ELP3: variants seen among roughly 807,000 people sequenced by gnomAD.
ELP3 encodes elongator complex protein 3.
Under a neutral mutation model 74.9 loss-of-function variants are expected in ELP3, and 56 were observed. The ratio of observed to expected loss-of-function variants is 0.75; its 90% CI spans 0.60 to 0.93. ELP3 has a LOEUF of 0.93. ELP3 is among the 40% of genes least tolerant of loss of function. ELP3 has a pLI of 0.00. For synonymous variants in ELP3, 222 were observed against 239.8 expected (o/e 0.93, Z 0.68); for missense variants, 573 against 686.5 (o/e 0.83, Z 1.85).
At chr8:28,103,043 G>C (rs540965969) in intron 3 of ELP3, among the ~76,000 whole-genome samples, 2 of 152,146 alleles carry the variant, frequency 1.3e-5, no homozygotes, top group African/African-American at 4.8e-5. Context: ...GGTGGCGGGC[G>C]CCTGTAATCC....
intron 14 of ELP3, among the ~76,000 whole-genome samples, chr8:28,167,806 T>C (rs351762): frequency 0.99 from 150,688 of 152,338 alleles, 74,537 homozygotes; most frequent in Middle Eastern, 1. Flanking sequence ...GGTATTCTAA[T>C]AAAGATCATA....
At chr8:28,099,805 A>G in intron 2 of ELP3, 23 bp from the exon 3 acceptor site, 1 of 1,613,892 alleles carries the variant, frequency 6.2e-7, no homozygotes, top group Non-Finnish European at 8.5e-7. Context: ...TAATCTTGAT[A>G]ATGTGAGATG....
At chr8:28,149,167 T>G (rs992944683) in intron 10 of ELP3, among the ~76,000 whole-genome samples, 1 of 152,352 alleles carries the variant, frequency 6.6e-6, no homozygotes, top group Non-Finnish European at 1.5e-5. Context: ...TCATGGTATT[T>G]TGTTAGAGCA....
Position 28,189,766 on chromosome 8 carries a change from A to G in ELP3, c.*41A>G, listed in dbSNP as rs752820264. On this transcript the variant is annotated 3_prime_UTR_variant, in exon 15 of 15. Coordinates refer to ENST00000256398, the MANE Select transcript of ELP3 (RefSeq NM_018091.6). ...ACTCTTCTGCAGTATCCTCCCTGGCAGAACACGGAGAATCAGGATTTCTTA... is the reference window on the plus strand; with the variant it reads ...ACTCTTCTGCAGTATCCTCCCTGGCGGAACACGGAGAATCAGGATTTCTTA... 1 of 1,583,132 alleles carries G rather than the reference A, an allele frequency of 6.3e-7. No homozygotes were observed. Among genetic ancestry groups the G allele is most frequent in the African/African-American group, 1.3e-5 (1 of 74,398 alleles).
chr8:28,093,162 TGA>T lies in ELP3; in HGVS notation c.-51_-50del. The T allele has an allele frequency of 6.2e-7, 1 of 1,605,178 alleles. No individual in the cohort carries two copies. The highest frequency in any genetic ancestry group is 1.3e-5 in the African/African-American group (1 of 75,010). On this transcript the variant is annotated 5_prime_UTR_variant, in exon 1 of 15. Transcript: ENST00000256398. ...GTGGCTGTCAGCTTTCCCCGTGGTC[TGA>T]GTTTGTGGCTGCATTTTTATCTCTG...
At chr8:28,121,339 A>C (rs1370549055) in intron 7 of ELP3, among the ~76,000 whole-genome samples, 1 of 142,424 alleles carries the variant, frequency 7.0e-6, no homozygotes, top group Non-Finnish European at 1.5e-5. Flanking sequence ...TTTTTTTTTG[A>C]ATCGGAGTCT....
chr8:28,185,038 A>AT (rs1815182609), intron 14 of ELP3, among the ~76,000 whole-genome samples: 1 of 151,994 alleles, frequency 6.6e-6, no homozygotes, highest in South Asian at 2.1e-4. Flanking sequence ...GGGTGCAGGG[A>AT]GGTTCAGTGC....
intron 10 of ELP3, among the ~76,000 whole-genome samples, chr8:28,151,010 A>G (rs1813622452): frequency 6.6e-6 from 1 of 152,116 alleles, no homozygotes; most frequent in Non-Finnish European, 1.5e-5. Context: ...TCTGGGCTCA[A>G]GTGATCTTCC....
chr8:28,106,537 C>T (rs1157109252), intron 3 of ELP3, among the ~76,000 whole-genome samples, 176 bp from the exon 4 acceptor site: 5 of 78,912 alleles, frequency 6.3e-5, no homozygotes, highest in Non-Finnish European at 1.1e-4. Context: ...GAGACTCCGT[C>T]TCAAAAAAAA....
chr8:28,096,457 C>A (rs1811257033), intron 1 of ELP3, among the ~76,000 whole-genome samples: 1 of 152,186 alleles, frequency 6.6e-6, no homozygotes, highest in Non-Finnish European at 1.5e-5. Flanking sequence ...AGCTTCCAAG[C>A]TGATATCCCA....
rs375339020 is a variant in ELP3, at chr8:28,161,990, C to T, written c.1486-7C>T. On this transcript the variant is annotated splice_polypyrimidine_tract_variant and splice_region_variant and intron_variant, in intron 13 of 14. Coordinates refer to ENST00000256398, the MANE Select transcript of ELP3 (RefSeq NM_018091.6). ...TAATTCCCACTCCCCATTGTTGCTC[C>T]GTGCAGGGATTTGGCATGCTGCTGA... 10 of 1,613,718 alleles carry T rather than the reference C, an allele frequency of 6.2e-6. No homozygotes were observed. The highest frequency in any genetic ancestry group is 4.0e-5 in the African/African-American group (3 of 74,902).
chr8:28,095,481 A>C (rs1300103401), intron 1 of ELP3, among the ~76,000 whole-genome samples: 2 of 152,006 alleles, frequency 1.3e-5, no homozygotes, highest in African/African-American at 4.8e-5. Context: ...CACCAGTCCT[A>C]CCTCTGTTGC....
intron 7 of ELP3, among the ~76,000 whole-genome samples, chr8:28,121,274 C>T (rs1047059286): frequency 3.3e-5 from 5 of 150,870 alleles, no homozygotes; most frequent in Admixed American, 6.6e-5. Context: ...TTTGGTGCTA[C>T]AGTAAATGAA....
intron 3 of ELP3, among the ~76,000 whole-genome samples, chr8:28,103,059 A>G (rs1288384460): frequency 6.6e-6 from 1 of 152,002 alleles, no homozygotes; most frequent in African/African-American, 2.4e-5. Flanking sequence ...AATCCCAGCT[A>G]CTTGGGAGGC....
intron 10 of ELP3, 68 bp downstream of exon 10, chr8:28,137,959 G>A (rs1813060483): frequency 1.5e-6 from 2 of 1,366,632 alleles, no homozygotes; most frequent in South Asian, 3.2e-5. Context: ...CATGGAAATA[G>A]TCTGATTTCA....
chr8:28,096,126 C>T (rs1446926990), intron 1 of ELP3, among the ~76,000 whole-genome samples: 1 of 152,302 alleles, frequency 6.6e-6, no homozygotes, highest in East Asian at 1.9e-4. Context: ...TTGTGTGCTC[C>T]TTATGAGAAT....
At chr8:28,181,323 C>T (rs1815003560) in intron 14 of ELP3, among the ~76,000 whole-genome samples, 1 of 152,198 alleles carries the variant, frequency 6.6e-6, no homozygotes, top group Non-Finnish European at 1.5e-5. Context: ...CCTCCAAACT[C>T]TGTATTGTAG....
At chr8:28,184,856 G>C (rs111992245) in intron 14 of ELP3, among the ~76,000 whole-genome samples, 1 of 152,078 alleles carries the variant, frequency 6.6e-6, no homozygotes, top group Non-Finnish European at 1.5e-5. Context: ...CTAAGTTCAC[G>C]TGAGTAGAAA....
chr8:28,093,038 A>T (rs922973792), upstream of ELP3: 1 of 959,140 alleles, frequency 1.0e-6, no homozygotes, highest in Non-Finnish European at 1.6e-6. Flanking sequence ...CTACCCTGTT[A>T]GTTGCAACAC....
Sources: gnomAD v4.1 joint callset for allele counts (sites outside exome capture counted in the v4.1 genomes callset) on GRCh38, gnomAD v4.1.1 for gene constraint, MANE v1.5 for transcripts, NCBI Gene and HGNC (gene_info 2026-07-23, HGNC 2026-07-21) for gene names.